Variants in SPCS2 observed in about 807,000 individuals in gnomAD.
SPCS2 encodes the protein SPase 25 kDa subunit.
SPCS2 carries 3 observed loss-of-function variants against 22.3 expected under a neutral mutation model. The observed-to-expected ratio is 0.13, with a 90% confidence interval of 0.06 to 0.35. SPCS2 has a LOEUF of 0.35. Among genes scored for constraint, SPCS2 ranks in the 10% least tolerant of loss-of-function variants. The pLI, the probability that SPCS2 is intolerant of heterozygous loss-of-function variation, is 1.00. For synonymous variants in SPCS2, 67 were observed against 97.2 expected, an observed-to-expected ratio of 0.69 and a Z score of 1.83; for missense variants, 169 against 280.9, an observed-to-expected ratio of 0.60 and a Z score of 2.85.
chr11:74,962,830 A>AG (rs1323630493), intron 1 of SPCS2, among the ~76,000 whole-genome samples: 1 of 152,204 alleles, frequency 6.6e-6, no homozygotes, highest in African/African-American at 2.4e-5. Context: ...CACTTACTGA[A>AG]GATTGCTTCT....
intron 4 of SPCS2, among the ~76,000 whole-genome samples, chr11:74,970,420 A>G (rs1460600819): frequency 1.3e-5 from 2 of 152,230 alleles, no homozygotes; most frequent in African/African-American, 4.8e-5. Flanking sequence ...ATACAGGCCC[A>G]AAGTTTAAAT....
intron 1 of SPCS2, among the ~76,000 whole-genome samples, chr11:74,959,157 G>A (rs191514365): frequency 1.3e-4 from 20 of 152,150 alleles, no homozygotes; most frequent in Non-Finnish European, 2.4e-4. Flanking sequence ...ATCAGAACAG[G>A]GTCACCATTG....
chr11:74,973,914 C>T (rs1948601078), intron 4 of SPCS2, among the ~76,000 whole-genome samples: 2 of 151,820 alleles, frequency 1.3e-5, no homozygotes, highest in East Asian at 3.9e-4. Context: ...TGGATCATTC[C>T]TTCTGACATA....
At chr11:74,949,683 A>G (rs957462624) in intron 1 of SPCS2, 5 of 485,136 alleles carry the variant, frequency 1.0e-5, no homozygotes, top group African/African-American at 2.0e-5. Flanking sequence ...AATCGTGTCC[A>G]TCTCTTTTCT....
chr11:74,963,218 T>C (rs1222794594), intron 1 of SPCS2, among the ~76,000 whole-genome samples: 2 of 152,212 alleles, frequency 1.3e-5, no homozygotes, highest in Non-Finnish European at 2.9e-5. Flanking sequence ...ATCTTTAAAA[T>C]TAGATGTCGT....
intron 1 of SPCS2, among the ~76,000 whole-genome samples, chr11:74,963,089 A>AAG (rs1948523335): frequency 6.6e-6 from 1 of 152,228 alleles, no homozygotes; most frequent in Non-Finnish European, 1.5e-5. Context: ...TTCAAATGCT[A>AAG]TGGTGGATTT....
At chr11:74,955,180 A>T (rs896258501) in intron 1 of SPCS2, among the ~76,000 whole-genome samples, 15 of 152,200 alleles carry the variant, frequency 9.9e-5, no homozygotes, top group Non-Finnish European at 5.9e-5. Flanking sequence ...TTCCTCAGAA[A>T]ATTCAACGTA....
At chr11:74,963,024 T>C (rs1183169744) in intron 1 of SPCS2, among the ~76,000 whole-genome samples, 1 of 152,250 alleles carries the variant, frequency 6.6e-6, no homozygotes, top group African/African-American at 2.4e-5. Context: ...TTTTCCTGTT[T>C]TTGAATGACC....
intron 1 of SPCS2, among the ~76,000 whole-genome samples, chr11:74,959,381 A>G (rs1453908414): frequency 6.6e-6 from 1 of 152,180 alleles, no homozygotes; most frequent in African/African-American, 2.4e-5. Context: ...ACATATCCTA[A>G]TGACCAAGGA....
chr11:74,954,979 C>G (rs1418370493), intron 1 of SPCS2, among the ~76,000 whole-genome samples: 1 of 152,084 alleles, frequency 6.6e-6, no homozygotes, highest in East Asian at 1.9e-4. Flanking sequence ...TGCGCAACAT[C>G]ATCAGTCATT....
intron 4 of SPCS2, among the ~76,000 whole-genome samples, chr11:74,973,166 A>G (rs1416017660): frequency 6.6e-6 from 1 of 152,184 alleles, no homozygotes; most frequent in Non-Finnish European, 1.5e-5. Context: ...CCGGTACTAC[A>G]GGTAGAGATG....
intron 1 of SPCS2, among the ~76,000 whole-genome samples, chr11:74,950,253 T>G (rs1014339657): frequency 1.3e-5 from 2 of 152,194 alleles, no homozygotes; most frequent in Non-Finnish European, 2.9e-5. Flanking sequence ...GCTCTCTCTA[T>G]ATCTGTTTTC....
In SPCS2 at chr11:74,968,842, A is replaced by G. The variant is rs543408734; in HGVS notation, c.360-723A>G. 3.9e-5 allele frequency among the ~76,000 whole-genome samples: 6 copies of G among 152,076 alleles called. No individual in the cohort carries two copies. In the South Asian group the frequency reaches 1.2e-3, roughly 32 times the overall value. On this transcript the variant is annotated intron_variant, in intron 3 of 4. Coordinates refer to ENST00000263672, the MANE Select transcript of SPCS2 (RefSeq NM_014752.3). ...GCCTAGCCTTAATTTTTGTATTTTTAGTAGAAATGGGGTCTCCCATTGTTC... is the reference window on the plus strand; with the variant it reads ...GCCTAGCCTTAATTTTTGTATTTTTGGTAGAAATGGGGTCTCCCATTGTTC...
intron 4 of SPCS2, among the ~76,000 whole-genome samples, chr11:74,972,737 A>G (rs1174613005): frequency 1.3e-5 from 2 of 151,260 alleles, no homozygotes; most frequent in Non-Finnish European, 2.9e-5. Context: ...TTTTTTTTAA[A>G]CAACAAATTG....
At chr11:74,955,124 A>G (rs1190271085) in intron 1 of SPCS2, among the ~76,000 whole-genome samples, 2 of 152,218 alleles carry the variant, frequency 1.3e-5, no homozygotes, top group Non-Finnish European at 2.9e-5. Flanking sequence ...ATATATCGCT[A>G]ACAGGGATGT....
chr11:74,971,600 G>A (rs574365434), intron 4 of SPCS2, among the ~76,000 whole-genome samples: 3 of 152,016 alleles, frequency 2.0e-5, no homozygotes, highest in South Asian at 2.1e-4. Context: ...CCACCTCACC[G>A]ACTGATTTAG....
At chr11:74,967,437 T>TA (rs11384060) in intron 3 of SPCS2, among the ~76,000 whole-genome samples, 68,076 of 152,090 alleles carry the variant, frequency 0.45, 15,674 homozygotes, top group Middle Eastern at 0.53. Flanking sequence ...TTATTTATAA[T>TA]GTAGGGACTA....
chr11:74,963,947 AGCT>A (rs1948529619), intron 1 of SPCS2, among the ~76,000 whole-genome samples: 2 of 152,178 alleles, frequency 1.3e-5, no homozygotes, highest in Admixed American at 6.5e-5. Context: ...GTTCCTCTTA[AGCT>A]ATATTTACTT....
intron 1 of SPCS2, among the ~76,000 whole-genome samples, chr11:74,952,950 A>G (rs1334255389): frequency 1.3e-5 from 2 of 152,166 alleles, no homozygotes; most frequent in African/African-American, 4.8e-5. Context: ...ACCAATTTGT[A>G]TTTGCCCGTT....
Sources: gnomAD v4.1 joint callset for allele counts (sites outside exome capture counted in the v4.1 genomes callset) on GRCh38, gnomAD v4.1.1 for gene constraint, MANE v1.5 for transcripts, NCBI Gene and HGNC (gene_info 2026-07-23, HGNC 2026-07-21) for gene names.